Variants in RBFOX1 observed in about 807,000 individuals in gnomAD.
RBFOX1 encodes RNA binding fox-1 homolog 1, also known as RNA binding protein fox-1 homolog 1.
In RBFOX1, 8 loss-of-function variants were observed where a neutral mutation model predicts 57.7. That is an observed-to-expected ratio of 0.14 (90% confidence interval 0.08 to 0.25). RBFOX1 has a LOEUF of 0.25. RBFOX1 is among the 10% of genes least tolerant of loss of function. The probability of loss-of-function intolerance (pLI) is 1.00; values close to 1 mark genes in which losing one functional copy is unlikely to be tolerated. For synonymous variants in RBFOX1, 326 were observed against 222.4 expected (o/e 1.47, Z -4.15); for missense variants, 611 against 548.5 (o/e 1.11, Z -1.14).
At chr16:5,381,270 T>C (rs570059196) in intron 1 of RBFOX1, among the ~76,000 whole-genome samples, 1 of 152,334 alleles carries the variant, frequency 6.6e-6, no homozygotes, top group East Asian at 1.9e-4. Context: ...CCATGCATAT[T>C]ATGCCGAGTC....
chr16:7,507,053 T>C (rs1039944703), intron 4 of RBFOX1, among the ~76,000 whole-genome samples: 1 of 152,202 alleles, frequency 6.6e-6, no homozygotes, highest in African/African-American at 2.4e-5. Flanking sequence ...CTATTTATAT[T>C]TTATGAATAA....
intron 11 of RBFOX1, among the ~76,000 whole-genome samples, chr16:7,632,953 T>G (rs2061217852): frequency 6.6e-6 from 1 of 152,198 alleles, no homozygotes; most frequent in African/African-American, 2.4e-5. Context: ...TAAAGTGAAT[T>G]GGGGAAGCAT....
chr16:7,384,179 A>C (rs56682429), intron 4 of RBFOX1, among the ~76,000 whole-genome samples: 2,466 of 152,022 alleles, frequency 0.016, 75 homozygotes, highest in African/African-American at 0.056. Flanking sequence ...TTTCATATAT[A>C]TATGAAACAT....
chr16:6,768,321 C>A (rs915307278), intron 3 of RBFOX1, among the ~76,000 whole-genome samples: 1 of 151,032 alleles, frequency 6.6e-6, no homozygotes, highest in Non-Finnish European at 1.5e-5. Context: ...AATAAAGAGT[C>A]TTATTAAAAA....
In RBFOX1 at chr16:5,787,079, T is replaced by A. The variant is rs555636314; in HGVS notation, c.319-80224T>A. Among the ~76,000 whole-genome samples, 276 of 152,288 alleles carry A rather than the reference T, an allele frequency of 1.8e-3. 2 individuals are homozygous for A. The highest frequency in any genetic ancestry group is 6.4e-3 in the African/African-American group (268 of 41,552). On this transcript the variant is annotated intron_variant, in intron 3 of 19. Transcript: ENST00000641259. ...TAAACAGGAGGTGGAGGTTGCAGTG[T>A]GCTGAGATTGCGCCACTGCATTCCA...
At chr16:7,708,509 G>A (rs544255653) in intron 14 of RBFOX1, among the ~76,000 whole-genome samples, 2 of 152,270 alleles carry the variant, frequency 1.3e-5, no homozygotes, top group South Asian at 4.1e-4. Flanking sequence ...GAATGGGAAT[G>A]GGAATGGGGG....
intron 1 of RBFOX1, among the ~76,000 whole-genome samples, chr16:6,176,807 G>C (rs1479075787): frequency 6.6e-6 from 1 of 151,874 alleles, no homozygotes; most frequent in Non-Finnish European, 1.5e-5. Flanking sequence ...ATGTCTTTTG[G>C]GTACATGTGT....
intron 2 of RBFOX1, among the ~76,000 whole-genome samples, chr16:6,628,475 G>C (rs780618327): frequency 2.6e-5 from 4 of 152,092 alleles, no homozygotes; most frequent in African/African-American, 4.8e-5. Flanking sequence ...TATATACCCA[G>C]CATTAAGATG....
At chr16:6,865,828 C>T (rs964837555) in intron 3 of RBFOX1, among the ~76,000 whole-genome samples, 2 of 152,094 alleles carry the variant, frequency 1.3e-5, no homozygotes, top group African/African-American at 4.8e-5. Flanking sequence ...TTTTCAGGTA[C>T]AATTAACTTC....
rs1026399702 is a variant in RBFOX1 at position 6,936,501 on chromosome 16, G to C, written c.-15-115556G>C. Among the ~76,000 whole-genome samples, 6 of 152,112 alleles carry C rather than the reference G, an allele frequency of 3.9e-5. No individual in the cohort carries two copies. In the Middle Eastern group the frequency reaches 0.01, roughly 259 times the overall value. Reference sequence around the variant, plus strand: ...ATCCAACATTGAGTAATTGACTCCCGACTATGTATCCAGAAACGTAAAATG... The same window carrying C: ...ATCCAACATTGAGTAATTGACTCCCCACTATGTATCCAGAAACGTAAAATG... On this transcript the variant is annotated intron_variant, in intron 3 of 15. Transcript: ENST00000550418.
At chr16:7,000,766 G>C (rs2092720008) in intron 3 of RBFOX1, among the ~76,000 whole-genome samples, 1 of 151,494 alleles carries the variant, frequency 6.6e-6, no homozygotes, top group Non-Finnish European at 1.5e-5. Flanking sequence ...CATCATGCCT[G>C]GCTAACTTTC....
intron 4 of RBFOX1, among the ~76,000 whole-genome samples, chr16:7,400,081 A>G: frequency 6.6e-6 from 1 of 152,058 alleles, no homozygotes; most frequent in Non-Finnish European, 1.5e-5. Context: ...GGGGAAGACC[A>G]TTTTTCTTAG....
chr16:6,347,767 A>G (rs1370040639), intron 2 of RBFOX1, among the ~76,000 whole-genome samples: 1 of 152,220 alleles, frequency 6.6e-6, no homozygotes, highest in Non-Finnish European at 1.5e-5. Flanking sequence ...TGGAAACATC[A>G]AAATTGACAG....
intron 3 of RBFOX1, among the ~76,000 whole-genome samples, chr16:5,786,252 C>G (rs570065398): frequency 6.6e-6 from 1 of 152,186 alleles, no homozygotes; most frequent in Non-Finnish European, 1.5e-5. Context: ...TCCTCTCTTG[C>G]TCCTGCTCAG....
At chr16:6,353,980 G>A (rs533531659) in intron 2 of RBFOX1, among the ~76,000 whole-genome samples, 2 of 152,082 alleles carry the variant, frequency 1.3e-5, no homozygotes, top group Non-Finnish European at 2.9e-5. Flanking sequence ...AGTACTTTGG[G>A]ACGCCAAGGC....
chr16:6,341,572 G>A (rs919813959), intron 2 of RBFOX1, among the ~76,000 whole-genome samples: 4 of 152,060 alleles, frequency 2.6e-5, no homozygotes, highest in African/African-American at 9.7e-5. Context: ...TAATAATGCT[G>A]ATTCTTGCAA....
At chr16:6,256,631 C>T (rs555845366) in intron 1 of RBFOX1, among the ~76,000 whole-genome samples, 72 of 152,200 alleles carry the variant, frequency 4.7e-4, no homozygotes, top group Non-Finnish European at 7.8e-4. Flanking sequence ...AGTCTCAGCA[C>T]CACTGACACT....
At chr16:7,051,407 T>C (rs1598146964) in intron 3 of RBFOX1, among the ~76,000 whole-genome samples, 1 of 152,352 alleles carries the variant, frequency 6.6e-6, no homozygotes, top group East Asian at 1.9e-4. Context: ...AACATGTCAG[T>C]AGGGCAAAGA....
At chr16:5,942,141 G>C (rs1480582001) in intron 4 of RBFOX1, among the ~76,000 whole-genome samples, 1 of 152,066 alleles carries the variant, frequency 6.6e-6, no homozygotes, top group African/African-American at 2.4e-5. Context: ...CTAGACAGGG[G>C]GAGTGCAATA....
Sources: allele counts gnomAD v4.1 joint callset (sites outside exome capture counted in the v4.1 genomes callset), GRCh38; gene constraint gnomAD v4.1.1; transcripts MANE v1.5; gene names NCBI Gene and HGNC (gene_info 2026-07-23, HGNC 2026-07-21).